TRPM3: variants seen among roughly 807,000 people sequenced by gnomAD.
The protein encoded by TRPM3 is long transient receptor potential channel 3.
In TRPM3, 77 loss-of-function variants were observed where a neutral mutation model predicts 181.2. The ratio of observed to expected loss-of-function variants is 0.42; its 90% confidence interval spans 0.35 to 0.51. TRPM3 has a LOEUF of 0.51. TRPM3 is among the 20% of genes least tolerant of loss of function. The pLI, the probability that TRPM3 is intolerant of heterozygous loss-of-function variation, is 0.01. For synonymous variants in TRPM3, 745 were observed against 796.4 expected, an observed-to-expected ratio of 0.94 and a Z score of 1.09; for missense variants, 1,759 against 2,196.7, an observed-to-expected ratio of 0.80 and a Z score of 3.98.
At chr9:71,123,885 G>A (rs1196553330), upstream of TRPM3, among the ~76,000 whole-genome samples, 1 of 152,136 alleles carries the variant, frequency 6.6e-6, no homozygotes, top group East Asian at 1.9e-4. Context: ...CCCCTGCCCT[G>A]CAGTATTTCA....
intron 1 of TRPM3, among the ~76,000 whole-genome samples, chr9:71,153,714 A>T (rs1024407898): frequency 6.6e-6 from 1 of 152,090 alleles, no homozygotes; most frequent in African/African-American, 2.4e-5. Flanking sequence ...TCTGTCACTT[A>T]TCCTAAACCC....
intron 6 of TRPM3, among the ~76,000 whole-genome samples, chr9:70,796,520 C>G (rs1379381511): frequency 6.6e-6 from 1 of 152,150 alleles, no homozygotes; most frequent in Non-Finnish European, 1.5e-5. Flanking sequence ...TCCTTCAGGT[C>G]CCAGGTTCAA....
Position 70,535,828 on chromosome 9 carries a change from A to T in TRPM3, c.*125T>A. On this transcript the variant is annotated 3_prime_UTR_variant, in exon 26 of 26. Transcript: ENST00000677713. ...GTCACCTTTGAGTTAACACCTCCCAAAGCATTGCTTGTTTTGCTCAGCTAA... is the reference window on the plus strand; with the variant it reads ...GTCACCTTTGAGTTAACACCTCCCATAGCATTGCTTGTTTTGCTCAGCTAA... 2 of 1,505,038 alleles carry T rather than the reference A, an allele frequency of 1.3e-6. No homozygotes were observed. Among genetic ancestry groups the T allele is most frequent in the African/African-American group, 2.8e-5 (2 of 71,724 alleles). 93.2% of individuals were successfully genotyped at this position (1,505,038 alleles called of 1,614,324 possible).
rs530687185 is a variant in TRPM3 at position 71,301,408 on chromosome 9, G to A, written c.183+145245C>T. Among the ~76,000 whole-genome samples, 3 of 152,092 alleles carry A rather than the reference G, an allele frequency of 2.0e-5. No homozygotes were observed. In the South Asian group the frequency reaches 6.2e-4, roughly 32 times the overall value. ...ATTACTCCTCTTCTTAATTCCCAAG[G>A]GTCACTGAGTATGTATCACCATGTT... On this transcript the variant is annotated intron_variant, in intron 1 of 24. Coordinates refer to the TRPM3 transcript ENST00000357533.
chr9:71,204,197 C>A (rs11142732), intron 1 of TRPM3, among the ~76,000 whole-genome samples: 5,025 of 150,774 alleles, frequency 0.033, 116 homozygotes, highest in Middle Eastern at 0.062. Context: ...GCAACAAAAG[C>A]CAAAATTGAC....
At chr9:71,200,857 A>C (rs28834161) in intron 1 of TRPM3, among the ~76,000 whole-genome samples, 61,098 of 146,122 alleles carry the variant, frequency 0.42, 13,123 homozygotes, top group East Asian at 0.5. Flanking sequence ...TTAATTGGAG[A>C]ATTTAGTCCA....
chr9:70,606,651 G>GTGTGTGTATATATATATATATATATA (rs145779027), intron 19 of TRPM3, among the ~76,000 whole-genome samples: 6 of 140,680 alleles, frequency 4.3e-5, no homozygotes, highest in African/African-American at 1.3e-4. Flanking sequence ...GTGTGTGTGT[G>GTGTGTGTATATATATATATATATATA]TATATATATA....
At chr9:70,548,883 A>C (rs2045759844) in intron 25 of TRPM3, among the ~76,000 whole-genome samples, 1 of 146,794 alleles carries the variant, frequency 6.8e-6, no homozygotes, top group African/African-American at 2.5e-5. Flanking sequence ...TAATACGCTG[A>C]GGTGTATCCT....
At chr9:70,939,283 T>G (rs955804813) in intron 1 of TRPM3, among the ~76,000 whole-genome samples, 1 of 152,224 alleles carries the variant, frequency 6.6e-6, no homozygotes, top group African/African-American at 2.4e-5. Flanking sequence ...TGACAGAACT[T>G]TCCAAGGTGA....
chr9:71,236,303 G>C lies in TRPM3; in HGVS notation c.183+210350C>G, dbSNP rs1336496058. Among the ~76,000 whole-genome samples the C allele has an allele frequency of 2.7e-5, 4 of 149,584 alleles. No individual in the cohort carries two copies. The South Asian group carries it at 8.6e-4, about 32-fold the overall frequency. The stretch of plus-strand genomic sequence containing the variant: ...ATTAGTTTTCTTATCAGTAAATTAA[G>C]GTGTGATTTTTCAATCTACACTCTA... On this transcript the variant is annotated intron_variant, in intron 1 of 24. Transcript: ENST00000357533.
intron 1 of TRPM3, among the ~76,000 whole-genome samples, chr9:70,884,790 G>T (rs972117756): frequency 6.6e-6 from 1 of 152,122 alleles, no homozygotes; most frequent in African/African-American, 2.4e-5. Flanking sequence ...CAATGTATTA[G>T]AAAACAGGCT....
intron 1 of TRPM3, among the ~76,000 whole-genome samples, chr9:71,067,490 T>C (rs1298421215): frequency 6.6e-6 from 1 of 152,228 alleles, no homozygotes; most frequent in East Asian, 1.9e-4. Flanking sequence ...GAATATGGGC[T>C]ATGCAGCCAG....
chr9:71,350,897 C>A (rs563024491), intron 1 of TRPM3, among the ~76,000 whole-genome samples: 4 of 152,034 alleles, frequency 2.6e-5, no homozygotes, highest in Non-Finnish European at 4.4e-5. Context: ...GGGGAGGGGG[C>A]GATAGTTCTA....
chr9:70,963,848 C>G (rs2097161129), intron 1 of TRPM3, among the ~76,000 whole-genome samples: 1 of 152,030 alleles, frequency 6.6e-6, no homozygotes, highest in African/African-American at 2.4e-5. Flanking sequence ...AAACTTCTCT[C>G]TGGGGTCAGA....
chr9:70,867,511 G>A (rs577303234), intron 1 of TRPM3, among the ~76,000 whole-genome samples: 2 of 152,168 alleles, frequency 1.3e-5, no homozygotes, highest in South Asian at 4.1e-4. Context: ...CTACATCATT[G>A]TTAGCAAAAA....
At chr9:71,284,972 TCAAA>T (rs1162121202) in intron 1 of TRPM3, among the ~76,000 whole-genome samples, 1 of 152,222 alleles carries the variant, frequency 6.6e-6, no homozygotes, top group East Asian at 1.9e-4. Context: ...GCTGCAATTC[TCAAA>T]CATTTTAAAA....
At chr9:71,399,526 G>GTTT (rs1166936123) in intron 1 of TRPM3, among the ~76,000 whole-genome samples, 44 of 62,706 alleles carry the variant, frequency 7.0e-4, no homozygotes, top group African/African-American at 1.2e-3. Flanking sequence ...ATTTTCTTTT[G>GTTT]TTTTTTTTTT....
intron 9 of TRPM3, among the ~76,000 whole-genome samples, chr9:70,660,223 A>G (rs544295633): frequency 1.7e-4 from 26 of 152,178 alleles, no homozygotes; most frequent in Admixed American, 3.9e-4. Context: ...TCACTGAGCT[A>G]AAGGGAAAAG....
At chr9:70,871,223 G>A (rs574268701) in intron 1 of TRPM3, among the ~76,000 whole-genome samples, 2 of 152,028 alleles carry the variant, frequency 1.3e-5, no homozygotes, top group South Asian at 2.1e-4. Context: ...GTGGGTCTGT[G>A]AGACTAAATA....
Sources: allele counts gnomAD v4.1 joint callset (sites outside exome capture counted in the v4.1 genomes callset), GRCh38; gene constraint gnomAD v4.1.1; transcripts MANE v1.5; gene names NCBI Gene and HGNC (gene_info 2026-07-23, HGNC 2026-07-21).